The following PARD3B variants were observed in gnomAD, a reference collection of about 807,000 sequenced individuals.
PARD3B encodes par-3 family cell polarity regulator beta.
In PARD3B, 103 loss-of-function variants were observed where a neutral mutation model predicts 130.2. The observed-to-expected ratio is 0.79, with a 90% CI of 0.67 to 0.93. The LOEUF (loss-of-function observed/expected upper bound fraction) is 0.93, where lower values mean the gene tolerates loss of function less well. Among genes scored for constraint, PARD3B ranks in the 40% least tolerant of loss-of-function variants. PARD3B has a pLI of 0.00. For missense variants in PARD3B, 1,609 were observed against 1,499.2 expected (o/e 1.07, Z -1.21); for synonymous variants, 583 against 553.2 (o/e 1.05, Z -0.76).
In PARD3B at chr2:205,560,926, C is replaced by T. The variant is rs181455513; in HGVS notation, c.3260+7523C>T. 4.5e-3 allele frequency among the ~76,000 whole-genome samples: 679 copies of T among 152,270 alleles called. 7 individuals are homozygous for T. The highest frequency in any genetic ancestry group is 0.014 in the African/African-American group (599 of 41,554). The stretch of plus-strand genomic sequence containing the variant: ...TTTCCGCATTGGGTACGATTGTGTT[C>T]GTTTCAGAAGAAATACGCCATAAGA... On this transcript the variant is annotated intron_variant, in intron 22 of 22. Coordinates refer to ENST00000406610, the MANE Select transcript of PARD3B (RefSeq NM_001302769.2).
chr2:205,193,123 G>A (rs2036483468), intron 14 of PARD3B, 82 bp from the exon 15 acceptor site: 2 of 904,118 alleles, frequency 2.2e-6, no homozygotes, highest in Middle Eastern at 2.2e-4. Context: ...ATGAGTGGCT[G>A]TGTTCAAAAT....
At chr2:205,131,235 A>T (rs2031970310) in intron 10 of PARD3B, among the ~76,000 whole-genome samples, 1 of 152,222 alleles carries the variant, frequency 6.6e-6, no homozygotes, top group African/African-American at 2.4e-5. Context: ...GATAATTTCA[A>T]AATGATTTTT....
intron 2 of PARD3B, among the ~76,000 whole-genome samples, chr2:204,786,318 C>G (rs2042009420): frequency 2.0e-5 from 3 of 151,942 alleles, no homozygotes; most frequent in Admixed American, 6.6e-5. Context: ...ACTTAATTTC[C>G]TACTCCTGGA....
chr2:204,985,751 TG>T (rs1054061283), intron 3 of PARD3B, among the ~76,000 whole-genome samples: 3 of 151,908 alleles, frequency 2.0e-5, no homozygotes, highest in African/African-American at 7.3e-5. Flanking sequence ...TGGTGAGGGT[TG>T]GGGTGATGTG....
At chr2:205,248,700 G>A (rs1360695254) in intron 16 of PARD3B, among the ~76,000 whole-genome samples, 3 of 138,222 alleles carry the variant, frequency 2.2e-5, no homozygotes, top group East Asian at 2.3e-4. Context: ...TCCGCCTCCC[G>A]GGTTCACGCC....
chr2:204,799,940 A>G lies in PARD3B; in HGVS notation c.222+113658A>G, dbSNP rs1289731026. 6.6e-6 allele frequency among the ~76,000 whole-genome samples: 1 copy of G among 152,236 alleles called. No homozygotes were observed. The highest frequency in any genetic ancestry group is 2.4e-5 in the African/African-American group (1 of 41,468). On this transcript the variant is annotated intron_variant, in intron 2 of 22. Transcript: ENST00000406610. The surrounding 1 kb of genome is among the most constrained non-coding windows in gnomAD (Gnocchi z 4.1). Reference sequence around the variant, plus strand: ...CAAACAAGCCAAGACTGTGAAGGCTACAATAAATACCTAACTCTACAATGC... The same window carrying G: ...CAAACAAGCCAAGACTGTGAAGGCTGCAATAAATACCTAACTCTACAATGC...
intron 22 of PARD3B, among the ~76,000 whole-genome samples, chr2:205,595,943 G>A (rs917921763): frequency 1.3e-5 from 2 of 151,988 alleles, no homozygotes; most frequent in African/African-American, 4.8e-5. Flanking sequence ...AAAAGAAGAA[G>A]TAATGATGAG....
At chr2:204,846,945 A>G (rs2044486348) in intron 2 of PARD3B, among the ~76,000 whole-genome samples, 1 of 151,960 alleles carries the variant, frequency 6.6e-6, no homozygotes, top group African/African-American at 2.4e-5. Context: ...AGACATTGGG[A>G]TTGCTCTCTT....
At chr2:204,794,730 A>G (rs1272930230) in intron 2 of PARD3B, among the ~76,000 whole-genome samples, 1 of 152,246 alleles carries the variant, frequency 6.6e-6, no homozygotes, top group East Asian at 1.9e-4. Context: ...ATATGGTTTA[A>G]TGACTGGCTC....
chr2:205,438,067 T>C (rs1242150199), intron 19 of PARD3B, among the ~76,000 whole-genome samples: 1 of 152,136 alleles, frequency 6.6e-6, no homozygotes, highest in Non-Finnish European at 1.5e-5. Flanking sequence ...GGGACCCTGA[T>C]ATATGACATA....
intron 13 of PARD3B, among the ~76,000 whole-genome samples, chr2:205,179,803 A>G (rs2035686604): frequency 6.6e-6 from 1 of 152,252 alleles, no homozygotes. Flanking sequence ...CAAAGGCTAA[A>G]CTAATGAAAC....
chr2:205,053,280 G>T, intron 4 of PARD3B, among the ~76,000 whole-genome samples: 1 of 151,732 alleles, frequency 6.6e-6, no homozygotes, highest in Non-Finnish European at 1.5e-5. Flanking sequence ...TGATTTCAGG[G>T]TTAAAATAAT....
chr2:204,596,446 T>C lies in PARD3B; in HGVS notation c.120+50327T>C, dbSNP rs191264914. Among the ~76,000 whole-genome samples, 53 of 152,316 alleles carry C rather than the reference T, an allele frequency of 3.5e-4. No individual in the cohort carries two copies. The East Asian group carries it at 0.01, about 29-fold the overall frequency. The stretch of plus-strand genomic sequence containing the variant: ...CCATACTGAAAAATTATTTTTCAAA[T>C]TTTTGTATCCTTTTTTGAAACCTGA... On this transcript the variant is annotated intron_variant, in intron 1 of 22. Coordinates refer to ENST00000406610, the MANE Select transcript of PARD3B (RefSeq NM_001302769.2).
chr2:204,893,454 T>A (rs10175683), intron 2 of PARD3B, among the ~76,000 whole-genome samples: 18,075 of 152,170 alleles, frequency 0.12, 2,164 homozygotes, highest in African/African-American at 0.31. Context: ...AATGGTTTTT[T>A]TTTGCATGAT....
intron 2 of PARD3B, among the ~76,000 whole-genome samples, chr2:204,902,530 G>A (rs771193672): frequency 1.3e-5 from 2 of 151,950 alleles, no homozygotes; most frequent in Non-Finnish European, 2.9e-5. Context: ...TTAGCCGGGC[G>A]TGGTGGCGGG....
intron 22 of PARD3B, among the ~76,000 whole-genome samples, chr2:205,571,444 C>T (rs930257656): frequency 7.2e-5 from 11 of 152,152 alleles, no homozygotes; most frequent in Admixed American, 5.9e-4. Context: ...TCAAGAAGGC[C>T]GGGGGTCAAG....
intron 2 of PARD3B, among the ~76,000 whole-genome samples, chr2:204,839,150 G>T (rs1483251049): frequency 6.6e-6 from 1 of 152,098 alleles, no homozygotes; most frequent in Non-Finnish European, 1.5e-5. Flanking sequence ...CCCTGTTCTG[G>T]GTTTCTATTA....
chr2:205,255,861 G>A (rs2040060662), intron 16 of PARD3B, among the ~76,000 whole-genome samples: 1 of 152,064 alleles, frequency 6.6e-6, no homozygotes, highest in African/African-American at 2.4e-5. Context: ...CTATTATGGA[G>A]GCTTCCGTAA....
intron 1 of PARD3B, among the ~76,000 whole-genome samples, chr2:204,682,127 C>T (rs993473582): frequency 6.6e-6 from 1 of 152,122 alleles, no homozygotes; most frequent in Non-Finnish European, 1.5e-5. Flanking sequence ...TCTCCAGGCT[C>T]ACTAATGATG....
Sources: allele counts gnomAD v4.1 joint callset (sites outside exome capture counted in the v4.1 genomes callset), GRCh38; gene constraint gnomAD v4.1.1; non-coding constraint Gnocchi (gnomAD v3.1); transcripts MANE v1.5; gene names NCBI Gene and HGNC (gene_info 2026-07-23, HGNC 2026-07-21).